AAMDC: variants seen among roughly 807,000 people sequenced by gnomAD.
The protein encoded by AAMDC is mth938 domain-containing protein.
A neutral mutation model predicts 15.5 loss-of-function variants in AAMDC; 16 were observed. The ratio of observed to expected loss-of-function variants is 1.03; its 90% CI spans 0.70 to 1.57. AAMDC has a LOEUF of 1.57. Among genes scored for constraint, AAMDC ranks in the 40% most tolerant of loss-of-function variants. AAMDC has a pLI of 0.00. For synonymous variants in AAMDC, 51 were observed against 51.6 expected, an observed-to-expected ratio of 0.99 and a Z score of 0.05; for missense variants, 141 against 144.9, an observed-to-expected ratio of 0.97 and a Z score of 0.14.
intron 2 of AAMDC, among the ~76,000 whole-genome samples, chr11:77,861,213 G>A (rs1455911129): frequency 6.6e-6 from 1 of 152,172 alleles, no homozygotes; most frequent in Non-Finnish European, 1.5e-5. Context: ...GGTGTATAAT[G>A]GCCCCTGCTT....
chr11:77,821,653 T>C (rs905751918), intron 1 of AAMDC, among the ~76,000 whole-genome samples: 6 of 151,818 alleles, frequency 4.0e-5, no homozygotes, highest in Admixed American at 2.6e-4. Context: ...TGGGACTCCA[T>C]TGAGAGGCGG....
chr11:77,880,906 A>C (rs1951765862), intron 5 of AAMDC, among the ~76,000 whole-genome samples: 1 of 152,218 alleles, frequency 6.6e-6, no homozygotes, highest in Non-Finnish European at 1.5e-5. Flanking sequence ...CCTGGGCAAC[A>C]GAAGGAAACC....
At chr11:77,826,587 G>A (rs552749036) in intron 1 of AAMDC, among the ~76,000 whole-genome samples, 11 of 152,148 alleles carry the variant, frequency 7.2e-5, no homozygotes, top group African/African-American at 2.6e-4. Context: ...CAGCATAGTC[G>A]CTACCCTGAG....
chr11:77,884,516 G>C (rs1232126864), intron 5 of AAMDC, among the ~76,000 whole-genome samples: 1 of 152,192 alleles, frequency 6.6e-6, no homozygotes, highest in African/African-American at 2.4e-5. Context: ...TCCCTGTGTA[G>C]ACAGCCTACT....
At chr11:77,854,016 ACTCTC>A (rs1950508533) in intron 2 of AAMDC, among the ~76,000 whole-genome samples, 1 of 140,762 alleles carries the variant, frequency 7.1e-6, no homozygotes, top group Non-Finnish European at 1.5e-5. Context: ...TTTGAGACAG[ACTCTC>A]GCTCCGTTGC....
downstream of AAMDC, among the ~76,000 whole-genome samples, chr11:77,873,308 A>G (rs1359414774): frequency 6.6e-6 from 1 of 152,232 alleles, no homozygotes; most frequent in Admixed American, 6.5e-5. Flanking sequence ...CATAGAAAGT[A>G]TTAACTCACT....
chr11:77,870,476 A>G (rs1454010875), intron 3 of AAMDC, among the ~76,000 whole-genome samples: 4 of 150,890 alleles, frequency 2.7e-5, no homozygotes, highest in Admixed American at 6.7e-5. Context: ...AGCTGGGACT[A>G]CAGGCGCCCA....
chr11:77,824,787 T>A (rs1233062322), intron 1 of AAMDC, among the ~76,000 whole-genome samples: 1 of 152,244 alleles, frequency 6.6e-6, no homozygotes, highest in East Asian at 1.9e-4. Flanking sequence ...AGTTTATTTC[T>A]CAAAATTCAT....
chr11:77,848,543 A>G (rs1041734429), intron 2 of AAMDC, among the ~76,000 whole-genome samples: 13 of 152,038 alleles, frequency 8.6e-5, no homozygotes, highest in Admixed American at 8.5e-4. Flanking sequence ...TATTTTCAGT[A>G]GAGGTGGGGT....
At chr11:77,832,632 G>A (rs1426394892) in intron 1 of AAMDC, among the ~76,000 whole-genome samples, 1 of 151,316 alleles carries the variant, frequency 6.6e-6, no homozygotes, top group East Asian at 1.9e-4. Flanking sequence ...GGCCATAGAG[G>A]AACTTTTATA....
At chr11:77,883,444 T>A (rs1951870645) in intron 5 of AAMDC, among the ~76,000 whole-genome samples, 1 of 152,180 alleles carries the variant, frequency 6.6e-6, no homozygotes, top group Non-Finnish European at 1.5e-5. Context: ...GGTTGAGAAT[T>A]ATTATTGTCA....
chr11:77,841,945 G>A (rs1368208964), intron 1 of AAMDC, among the ~76,000 whole-genome samples: 1 of 152,168 alleles, frequency 6.6e-6, no homozygotes, highest in Non-Finnish European at 1.5e-5. Context: ...TCATTTTCAT[G>A]TTCTGCCCCA....
intron 5 of AAMDC, among the ~76,000 whole-genome samples, chr11:77,893,143 G>T (rs1952351627): frequency 6.6e-6 from 1 of 152,148 alleles, no homozygotes; most frequent in South Asian, 2.1e-4. Context: ...CAGAAGTCTG[G>T]TCACTCCCTC....
intron 2 of AAMDC, among the ~76,000 whole-genome samples, chr11:77,855,720 CT>C (rs374235923): frequency 1.7e-3 from 220 of 127,920 alleles, no homozygotes; most frequent in African/African-American, 5.1e-3. Flanking sequence ...AGTTTTATGT[CT>C]TTTTTTTTTT....
At chr11:77,903,145 A>G (rs1243895744), downstream of AAMDC, among the ~76,000 whole-genome samples, 1 of 152,226 alleles carries the variant, frequency 6.6e-6, no homozygotes, top group Non-Finnish European at 1.5e-5. Context: ...AGCAAATCAG[A>G]GGAAGACCTG....
intron 5 of AAMDC, among the ~76,000 whole-genome samples, chr11:77,893,909 A>AAATAAATAAATAAATC (rs1952393292): frequency 6.7e-6 from 1 of 150,270 alleles, no homozygotes; most frequent in Non-Finnish European, 1.5e-5. Flanking sequence ...ATAAATAAAT[A>AAATAAATAAATAAATC]AATAAATAAA....
chr11:77,903,716 C>T, downstream of AAMDC: 2 of 854,984 alleles, frequency 2.3e-6, no homozygotes, highest in Non-Finnish European at 3.7e-6. Flanking sequence ...GAAAGTCTCC[C>T]ATGAACATGA....
chr11:77,881,161 C>T (rs1030064224), intron 5 of AAMDC, among the ~76,000 whole-genome samples: 1 of 152,140 alleles, frequency 6.6e-6, no homozygotes, highest in South Asian at 2.1e-4. Flanking sequence ...GCAACTTCTG[C>T]GTCATGCCTG....
At chr11:77,836,792 GC>G (rs1949701128) in intron 1 of AAMDC, among the ~76,000 whole-genome samples, 1 of 152,014 alleles carries the variant, frequency 6.6e-6, no homozygotes, top group Non-Finnish European at 1.5e-5. Context: ...ATGGAGAAAC[GC>G]CATCTCTACT....
Sources: gnomAD v4.1 joint callset for allele counts (sites outside exome capture counted in the v4.1 genomes callset) on GRCh38, gnomAD v4.1.1 for gene constraint, MANE v1.5 for transcripts, NCBI Gene and HGNC (gene_info 2026-07-23, HGNC 2026-07-21) for gene names.